LMNTD1: variants seen among roughly 807,000 people sequenced by gnomAD.
The protein encoded by LMNTD1 is lamin tail domain-containing protein 1.
Under a neutral mutation model 50.9 loss-of-function variants are expected in LMNTD1, and 35 were observed. The observed-to-expected ratio is 0.69, with a 90% CI of 0.53 to 0.91. LMNTD1 has a LOEUF of 0.91. Ranked by LOEUF, LMNTD1 falls within the 40% of genes least tolerant of loss-of-function variation. The pLI is 0.00. For missense variants in LMNTD1, 470 were observed against 475.5 expected, an observed-to-expected ratio of 0.99 and a Z score of 0.11; for synonymous variants, 153 against 161.9, an observed-to-expected ratio of 0.94 and a Z score of 0.42.
intron 9 of LMNTD1, among the ~76,000 whole-genome samples, chr12:25,484,648 T>G (rs1182926538): frequency 2.2e-5 from 2 of 92,692 alleles, no homozygotes; most frequent in Admixed American, 2.6e-4. Flanking sequence ...ATGCTATCCC[T>G]CCCCCCTCCC....
intron 4 of LMNTD1, among the ~76,000 whole-genome samples, chr12:25,543,871 T>A (rs1224779168): frequency 1.3e-5 from 2 of 152,002 alleles, no homozygotes; most frequent in Non-Finnish European, 2.9e-5. Context: ...CTGTGTTTCT[T>A]AATTTCCATG....
chr12:25,537,142 G>T (rs563670501), intron 4 of LMNTD1, among the ~76,000 whole-genome samples: 24 of 152,198 alleles, frequency 1.6e-4, no homozygotes, highest in African/African-American at 2.9e-4. Flanking sequence ...CAGCAGCGAG[G>T]CTGGGGGAGG....
intron 1 of LMNTD1, among the ~76,000 whole-genome samples, chr12:25,596,260 G>A (rs1302210021): frequency 6.6e-6 from 1 of 151,900 alleles, no homozygotes; most frequent in Non-Finnish European, 1.5e-5. Context: ...AACCAGGAAA[G>A]GATATAACCA....
chr12:25,488,990 G>C (rs1303310745), intron 9 of LMNTD1, among the ~76,000 whole-genome samples: 2 of 152,212 alleles, frequency 1.3e-5, no homozygotes, highest in Non-Finnish European at 2.9e-5. Flanking sequence ...CCCGTTCTCA[G>C]ATCTCCAGCT....
chr12:25,591,106 C>T (rs965756071), intron 1 of LMNTD1, among the ~76,000 whole-genome samples: 12 of 152,176 alleles, frequency 7.9e-5, no homozygotes, highest in Non-Finnish European at 1.6e-4. Context: ...GGGTACAGCA[C>T]AAAGCAGGCT....
chr12:25,526,539 A>C (rs1054584146), intron 5 of LMNTD1, among the ~76,000 whole-genome samples: 1 of 152,188 alleles, frequency 6.6e-6, no homozygotes, highest in Non-Finnish European at 1.5e-5. Flanking sequence ...TTATAAAAAC[A>C]AAAGATATTG....
At chr12:25,591,514 C>G (rs1486171901) in intron 1 of LMNTD1, among the ~76,000 whole-genome samples, 1 of 152,136 alleles carries the variant, frequency 6.6e-6, no homozygotes, top group Non-Finnish European at 1.5e-5. Context: ...ACTGGATAGA[C>G]TTCTAAGATT....
chr12:25,614,099 G>A lies in LMNTD1; in HGVS notation c.58+34395C>T, dbSNP rs376501051. ...AAAAAAAAAAGTATCTAAAAAAAGT[G>A]TCCATTGGGTTTATCAAGACAAGTC... On this transcript the variant is annotated intron_variant, in intron 1 of 7. Transcript: ENST00000445693. Among the ~76,000 whole-genome samples, 32 of 152,198 alleles carry A rather than the reference G, an allele frequency of 2.1e-4. 1 individual carries two copies. The South Asian group carries it at 6.2e-3, about 30-fold the overall frequency.
At chr12:25,623,553 CAAAAAAAAAAAA>C (rs57326398) in intron 1 of LMNTD1, among the ~76,000 whole-genome samples, 1 of 57,534 alleles carries the variant, frequency 1.7e-5, no homozygotes, top group Non-Finnish European at 3.0e-5. Flanking sequence ...GACTCTGTCT[CAAAAAAAAAAAA>C]AAAAAAAAAA....
intron 7 of LMNTD1, 48 bp from the exon 8 acceptor site, chr12:25,519,015 G>C (rs1941028496): frequency 1.3e-6 from 2 of 1,573,868 alleles, no homozygotes; most frequent in Non-Finnish European, 1.7e-6. Context: ...ATTTTATGCT[G>C]TGGTGTTAAT....
intron 4 of LMNTD1, among the ~76,000 whole-genome samples, chr12:25,542,442 A>G (rs544198362): frequency 2.0e-5 from 3 of 151,218 alleles, no homozygotes; most frequent in African/African-American, 4.8e-5. Context: ...GAAATTGGAA[A>G]TCATTATTCT....
At chr12:25,620,586 T>C (rs1177625851) in intron 1 of LMNTD1, among the ~76,000 whole-genome samples, 1 of 152,178 alleles carries the variant, frequency 6.6e-6, no homozygotes, top group African/African-American at 2.4e-5. Context: ...ATTATGTGAC[T>C]CTTCCACGTG....
intron 1 of LMNTD1, among the ~76,000 whole-genome samples, chr12:25,589,152 T>C (rs1459729807): frequency 6.6e-6 from 1 of 152,148 alleles, no homozygotes; most frequent in Non-Finnish European, 1.5e-5. Flanking sequence ...TCATTTATTA[T>C]AGCAAAGTTC....
intron 8 of LMNTD1, 70 bp downstream of exon 8, chr12:25,518,725 A>G: frequency 7.3e-7 from 1 of 1,361,424 alleles, no homozygotes; most frequent in Non-Finnish European, 1.0e-6. Context: ...TAACCACTTA[A>G]CCCACTAGTT....
At chr12:25,570,159 T>C (rs1944727257) in intron 1 of LMNTD1, among the ~76,000 whole-genome samples, 1 of 152,190 alleles carries the variant, frequency 6.6e-6, no homozygotes, top group Non-Finnish European at 1.5e-5. Flanking sequence ...ATTGAATAGA[T>C]ACTCTATAAT....
intron 1 of LMNTD1, among the ~76,000 whole-genome samples, chr12:25,584,434 T>G (rs569776413): frequency 3.3e-4 from 50 of 152,278 alleles, no homozygotes; most frequent in African/African-American, 1.2e-3. Flanking sequence ...TAGTTTTTGG[T>G]CAGCAAAAGT....
At chr12:25,489,756 A>G (rs568982580) in intron 9 of LMNTD1, among the ~76,000 whole-genome samples, 1 of 152,210 alleles carries the variant, frequency 6.6e-6, no homozygotes, top group Non-Finnish European at 1.5e-5. Context: ...GATATTATTG[A>G]AAAATAAAAA....
chr12:25,504,839 T>C (rs1939631750), intron 8 of LMNTD1, among the ~76,000 whole-genome samples: 1 of 152,260 alleles, frequency 6.6e-6, no homozygotes, highest in South Asian at 2.1e-4. Flanking sequence ...AGTATAAACT[T>C]GCTAAATAGT....
At chr12:25,554,773 C>T (rs1483290238), upstream of LMNTD1, among the ~76,000 whole-genome samples, 1 of 152,030 alleles carries the variant, frequency 6.6e-6, no homozygotes, top group Non-Finnish European at 1.5e-5. Context: ...AAATAGATTA[C>T]AATTATCTGG....
Sources: gnomAD v4.1 joint callset for allele counts (sites outside exome capture counted in the v4.1 genomes callset) on GRCh38, gnomAD v4.1.1 for gene constraint, MANE v1.5 for transcripts, NCBI Gene and HGNC (gene_info 2026-07-23, HGNC 2026-07-21) for gene names.